The following PYGL variants were observed in gnomAD, a reference collection of about 807,000 sequenced individuals.
PYGL encodes the protein glycogen phosphorylase L.
Under a neutral mutation model 100.1 loss-of-function variants are expected in PYGL, and 90 were observed. The observed-to-expected ratio is 0.90, with a 90% confidence interval of 0.76 to 1.07. The LOEUF (loss-of-function observed/expected upper bound fraction) is 1.07. Ranked by LOEUF, PYGL falls within the 50% of genes least tolerant of loss-of-function variation. The pLI is 0.00. For synonymous variants in PYGL, 373 were observed against 393.0 expected, an observed-to-expected ratio of 0.95 and a Z score of 0.60; for missense variants, 1,016 against 1,057.6, an observed-to-expected ratio of 0.96 and a Z score of 0.55.
chr14:50,909,757 G>A (rs559921312), intron 17 of PYGL, 138 bp downstream of exon 17: 215 of 948,340 alleles, frequency 2.3e-4, no homozygotes, highest in African/African-American at 2.1e-3. Flanking sequence ...CTGCCTCATC[G>A]TGGGAGATGT....
intron 4 of PYGL, among the ~76,000 whole-genome samples, chr14:50,929,810 T>TGG (rs1278136745): frequency 4.6e-5 from 7 of 152,246 alleles, no homozygotes; most frequent in African/African-American, 1.4e-4. Context: ...GAACAACCTA[T>TGG]TTCATTTTTA....
rs539753072 is a variant in PYGL at position 50,911,725 on chromosome 14, A to C, written c.1969+5T>G. ...CCCCTGCATATTTTGCAATGAGGGT[A>C]GTACCTTTTTCAGCAAGAGATACTC... On this transcript the variant is annotated splice_donor_5th_base_variant and intron_variant, in intron 16 of 19. Transcript: ENST00000216392. The C allele has an allele frequency of 6.2e-7, 1 of 1,614,144 alleles. No homozygotes were observed. Among genetic ancestry groups the C allele is most frequent in the East Asian group, 2.2e-5 (1 of 44,880 alleles).
intron 11 of PYGL, 94 bp from the exon 12 acceptor site, chr14:50,914,909 G>C: frequency 1.1e-6 from 1 of 940,104 alleles, no homozygotes; most frequent in Non-Finnish European, 1.7e-6. Flanking sequence ...AAGAAGCCAA[G>C]TGCAGGCTTA....
Position 50,912,282 on chromosome 14 carries a change from G to A in PYGL, c.1642C>T (p.Gln548Ter). ...VKQENKLKFS[Q>*]FLETEYKVKI... The stretch of plus-strand genomic sequence containing the variant: ...ACTTTGTACTCCGTCTCCAGGAACT[G>A]AGAAAACTTCAGCTTATTCTCCTGT... The change falls in exon 14 of 20, where the codon CAG becomes TAG. Residue 548 changes from glutamine to a stop codon, truncating the protein, a stop_gained. Transcript: ENST00000216392. LOFTEE classifies it high-confidence loss of function. 1 of 1,614,116 alleles carries A rather than the reference G, an allele frequency of 6.2e-7. No homozygotes were observed. Among genetic ancestry groups the A allele is most frequent in the African/African-American group, 1.3e-5 (1 of 75,040 alleles).
At chr14:50,940,995 G>A (rs1273070390) in intron 1 of PYGL, among the ~76,000 whole-genome samples, 1 of 152,148 alleles carries the variant, frequency 6.6e-6, no homozygotes, top group East Asian at 1.9e-4. Flanking sequence ...TGTTGGGAGA[G>A]CAAGGTGGGT....
At chr14:50,915,113 T>A in intron 11 of PYGL, 2 of 652,146 alleles carry the variant, frequency 3.1e-6, no homozygotes, top group South Asian at 2.0e-5. Context: ...TTGTTTGTTT[T>A]GGCTCCTATG....
Position 50,914,696 on chromosome 14 carries a change from G to A in PYGL, c.1518+5C>T. 6.2e-7 allele frequency: 1 copy of A among 1,606,262 alleles called. No individual in the cohort carries two copies. Among genetic ancestry groups the A allele is most frequent in the Non-Finnish European group, 8.5e-7 (1 of 1,173,046 alleles). The stretch of plus-strand genomic sequence containing the variant: ...CCTCCTTTCCTCTCAGCACTTCCCA[G>A]TTACCTCTGCTATGAGCTCTGCAAG... On this transcript the variant is annotated splice_donor_5th_base_variant and intron_variant, in intron 12 of 19. Coordinates refer to ENST00000216392, the MANE Select transcript of PYGL (RefSeq NM_002863.5).
chr14:50,942,204 ATTG>A (rs1315710379), intron 1 of PYGL, among the ~76,000 whole-genome samples: 2 of 142,088 alleles, frequency 1.4e-5, no homozygotes, highest in African/African-American at 2.5e-5. Context: ...AAACATGTTC[ATTG>A]TTGTATCCCC....
At chr14:50,908,095 G>T in intron 19 of PYGL, 176 bp downstream of exon 19, 2 of 525,774 alleles carry the variant, frequency 3.8e-6, no homozygotes, top group Non-Finnish European at 6.6e-6. Context: ...CTTGGGAAAA[G>T]ACAAGGTTTT....
intron 7 of PYGL, 140 bp downstream of exon 7, chr14:50,920,401 A>G: frequency 1.2e-6 from 1 of 850,322 alleles, no homozygotes. Context: ...GGAGAAATCT[A>G]CACAATTCAG....
chr14:50,912,401 C>T, intron 13 of PYGL, 98 bp from the exon 14 acceptor site: 1 of 1,464,398 alleles, frequency 6.8e-7, no homozygotes, highest in Non-Finnish European at 9.4e-7. Flanking sequence ...CTCTTTTGCC[C>T]AGGCTGGAGT....
At chr14:50,923,111 A>C (rs1012712197) in intron 5 of PYGL, 2 of 152,126 alleles carry the variant, frequency 1.3e-5, no homozygotes, top group Non-Finnish European at 1.5e-5. Flanking sequence ...TCTGCCCCCT[A>C]ACCTTGCCTC....
chr14:50,943,865 G>A (rs1390470298), intron 1 of PYGL, among the ~76,000 whole-genome samples: 1 of 152,266 alleles, frequency 6.6e-6, no homozygotes, highest in Non-Finnish European at 1.5e-5. Context: ...GAAGTGGACA[G>A]GCGAGAGGGG....
intron 17 of PYGL, among the ~76,000 whole-genome samples, chr14:50,909,486 C>T (rs1005336958): frequency 2.0e-5 from 3 of 152,204 alleles, no homozygotes; most frequent in Admixed American, 6.5e-5. Flanking sequence ...TACTTCTGTA[C>T]ACCCGTATCT....
At position 50,916,731 on chromosome 14, in the gene PYGL, C is replaced by A. The variant is rs1208446629; in HGVS notation, c.1003G>T (p.Ala335Ser). Residue 335 changes from alanine to serine, a missense_variant, in exon 9 of 20, where the codon GCC becomes TCC. By Grantham distance (99) the Ala-to-Ser change is moderately conservative. Coordinates refer to ENST00000216392, the MANE Select transcript of PYGL (RefSeq NM_002863.5). Reference protein sequence around the residue: ...TVFDAFPDQVAIQLNDTHPAL... With the variant: ...TVFDAFPDQVSIQLNDTHPAL... The stretch of plus-strand genomic sequence containing the variant: ...GGGTGAGTGTCATTCAGCTGGATGG[C>A]CACCTGGGTGGGGAAAGACATCAAC... 2.5e-6 allele frequency: 4 copies of A among 1,613,610 alleles called. No individual in the cohort carries two copies. The East Asian group carries it at 6.7e-5, about 27-fold the overall frequency.
rs2050405491 is a variant in PYGL, at chr14:50,912,180, G to A, written c.1744C>T (p.Leu582=). 10 of 1,614,074 alleles carry A rather than the reference G, an allele frequency of 6.2e-6. No homozygotes were observed. The highest frequency in any genetic ancestry group is 1.3e-5 in the African/African-American group (1 of 74,918). Reference sequence around the variant, plus strand: ...CGGTTGTACATCGTGATCACATGCAGACAGTTCAAGAGCTGTCGCTTGTAC... The same window carrying A: ...CGGTTGTACATCGTGATCACATGCAAACAGTTCAAGAGCTGTCGCTTGTAC... ...HEYKRQLLNC[L]HVITMYNRIK... Residue 582 remains leucine, a synonymous_variant, in exon 14 of 20, where the codon CTG becomes TTG. Transcript: ENST00000216392.
chr14:50,933,717 T>C (rs1420885332), intron 3 of PYGL, among the ~76,000 whole-genome samples: 2 of 152,036 alleles, frequency 1.3e-5, no homozygotes, highest in African/African-American at 4.8e-5. Context: ...TTCCAGACCT[T>C]TTTTTCTACA....
chr14:50,928,641 A>G (rs961924932), intron 4 of PYGL, among the ~76,000 whole-genome samples: 1 of 132,716 alleles, frequency 7.5e-6, no homozygotes, highest in African/African-American at 2.7e-5. Flanking sequence ...TAGCAACACA[A>G]TTTCAGGGGG....
At chr14:50,907,229 ATTC>A (rs1440451843) in intron 19 of PYGL, among the ~76,000 whole-genome samples, 1 of 151,676 alleles carries the variant, frequency 6.6e-6, no homozygotes, top group African/African-American at 2.4e-5. Flanking sequence ...TGTCTTCCTT[ATTC>A]TTCTTTCTTT....
Sources: allele counts gnomAD v4.1 joint callset (sites outside exome capture counted in the v4.1 genomes callset), GRCh38; gene constraint gnomAD v4.1.1; transcripts MANE v1.5; gene names NCBI Gene and HGNC (gene_info 2026-07-23, HGNC 2026-07-21).